ARHGAP32: variants seen among roughly 807,000 people sequenced by gnomAD.
ARHGAP32 encodes the protein rho GTPase-activating protein 32.
A neutral mutation model predicts 186.5 loss-of-function variants in ARHGAP32; 51 were observed. The observed-to-expected ratio is 0.27, with a 90% CI of 0.22 to 0.35. The LOEUF (loss-of-function observed/expected upper bound fraction) is 0.35. Ranked by LOEUF, ARHGAP32 falls within the 10% of genes least tolerant of loss-of-function variation. ARHGAP32 has a pLI of 1.00. For synonymous variants in ARHGAP32, 950 were observed against 964.3 expected (o/e 0.99, Z 0.27); for missense variants, 2,186 against 2,623.5 (o/e 0.83, Z 3.64).
chr11:129,195,889 C>G (rs2135567186), upstream of ARHGAP32, among the ~76,000 whole-genome samples: 1 of 152,272 alleles, frequency 6.6e-6, no homozygotes, highest in Non-Finnish European at 1.5e-5. Context: ...GTGAGAGAGA[C>G]TAGATACTGC....
chr11:129,244,399 A>G (rs1191489057), intron 1 of ARHGAP32, among the ~76,000 whole-genome samples: 1 of 152,226 alleles, frequency 6.6e-6, no homozygotes, highest in Non-Finnish European at 1.5e-5. Flanking sequence ...CATTCAGTCA[A>G]ATAGTATGGA....
At chr11:129,045,790 G>A (rs1939781745) in intron 10 of ARHGAP32, among the ~76,000 whole-genome samples, 2 of 152,106 alleles carry the variant, frequency 1.3e-5, no homozygotes, top group South Asian at 4.1e-4. Context: ...ATATTGGCAG[G>A]GGTCAAAATG....
At chr11:129,264,560 T>A (rs779397446) in intron 1 of ARHGAP32, among the ~76,000 whole-genome samples, 2 of 152,222 alleles carry the variant, frequency 1.3e-5, no homozygotes, top group Non-Finnish European at 2.9e-5. Context: ...ATAGGACAGA[T>A]GTTTATCATT....
chr11:129,128,268 T>C (rs1942707924), intron 2 of ARHGAP32, among the ~76,000 whole-genome samples: 1 of 152,216 alleles, frequency 6.6e-6, no homozygotes, highest in Non-Finnish European at 1.5e-5. Flanking sequence ...CAAATTGCCA[T>C]GTAGTGTTCT....
At chr11:129,076,301 T>C (rs1463369236) in intron 6 of ARHGAP32, among the ~76,000 whole-genome samples, 4 of 152,368 alleles carry the variant, frequency 2.6e-5, no homozygotes, top group African/African-American at 9.6e-5. Context: ...GCTGTTGCTC[T>C]GCCTATGGAG....
At chr11:129,096,527 G>T (rs1404777052) in intron 5 of ARHGAP32, among the ~76,000 whole-genome samples, 1 of 116,710 alleles carries the variant, frequency 8.6e-6, no homozygotes, top group South Asian at 3.1e-4. Flanking sequence ...ATACCCCCCC[G>T]GCCCCGCCCC....
chr11:129,260,374 C>T (rs1057139997), intron 1 of ARHGAP32, among the ~76,000 whole-genome samples: 2 of 151,978 alleles, frequency 1.3e-5, no homozygotes, highest in African/African-American at 4.8e-5. Context: ...CAGGGTTTTT[C>T]TCACCCTGTC....
intron 6 of ARHGAP32, among the ~76,000 whole-genome samples, chr11:129,090,077 G>A (rs546111329): frequency 9.2e-5 from 14 of 152,270 alleles, no homozygotes; most frequent in Non-Finnish European, 1.9e-4. Flanking sequence ...TCTATGAAAT[G>A]GGAATAAATG....
chr11:128,988,250 C>G, intron 12 of ARHGAP32, 125 bp from the exon 13 acceptor site: 1 of 650,900 alleles, frequency 1.5e-6, no homozygotes, highest in East Asian at 2.8e-5. Context: ...TTAAAAGGAG[C>G]AAAAATTAAT....
chr11:129,241,359 G>A (rs999086514), intron 1 of ARHGAP32, among the ~76,000 whole-genome samples: 1 of 152,142 alleles, frequency 6.6e-6, no homozygotes, highest in African/African-American at 2.4e-5. Context: ...AAACAGACAA[G>A]TAGTCCAGGT....
intron 2 of ARHGAP32, among the ~76,000 whole-genome samples, chr11:129,160,134 C>T (rs1388312336): frequency 6.6e-6 from 1 of 152,164 alleles, no homozygotes; most frequent in African/African-American, 2.4e-5. Flanking sequence ...GACAAACCCA[C>T]AGCCAATATC....
At position 128,974,351 on chromosome 11, in the gene ARHGAP32, G is replaced by A; in HGVS notation, c.2846C>T (p.Ser949Leu). ...AACGCATTTGTCCCAGGTTGAAGATGATGCATTCTGAGCTGTGGTATTTGA... is the reference window on the plus strand; with the variant it reads ...AACGCATTTGTCCCAGGTTGAAGATAATGCATTCTGAGCTGTGGTATTTGA... ...TVSNTTAQNA[S>L]SSTWDKCVEE... The change falls in exon 21 of 23, where the codon TCA becomes TTA. Residue 949 changes from serine (S) to leucine (L), a missense_variant. By Grantham distance (145) the Ser-to-Leu change is moderately radical (BLOSUM62 -2). Transcript: ENST00000682385. 1 of 1,614,226 alleles carries A rather than the reference G, an allele frequency of 6.2e-7. No homozygotes were observed. Among genetic ancestry groups the A allele is most frequent in the Non-Finnish European group, 8.5e-7 (1 of 1,180,036 alleles).
chr11:128,988,062 T>C lies in ARHGAP32; in HGVS notation c.1259A>G (p.Tyr420Cys), dbSNP rs1261209592. 1.9e-6 allele frequency: 3 copies of C among 1,613,572 alleles called. No individual in the cohort carries two copies. The highest frequency in any genetic ancestry group is 3.3e-5 in the Admixed American group (2 of 60,002). The change falls in exon 13 of 23, where the codon TAT (tyrosine) becomes TGT (cysteine). Residue 420 changes from tyrosine to cysteine, a missense_variant. By Grantham distance (194) the Tyr-to-Cys change is radical. Coordinates refer to ENST00000682385, the MANE Select transcript of ARHGAP32 (RefSeq NM_001378024.1). ...ATTGGAGGCAACACCAGAAAGGCGA[T>C]AGATTCCATCCACGATGCCATATCT... ...IERYGIVDGI[Y>C]RLSGVASNIQ...
chr11:129,114,274 G>A (rs1942303986), intron 5 of ARHGAP32, among the ~76,000 whole-genome samples: 1 of 152,114 alleles, frequency 6.6e-6, no homozygotes, highest in Admixed American at 6.6e-5. Context: ...TTGGCTGAGG[G>A]TTCTTCACTT....
chr11:129,106,038 C>A (rs1398165524), intron 5 of ARHGAP32, among the ~76,000 whole-genome samples: 1 of 152,000 alleles, frequency 6.6e-6, no homozygotes, highest in African/African-American at 2.4e-5. Flanking sequence ...GGTGAGGCTG[C>A]AGAGAAAAGG....
chr11:129,151,285 G>T (rs982846063), intron 2 of ARHGAP32, among the ~76,000 whole-genome samples: 2 of 152,074 alleles, frequency 1.3e-5, no homozygotes, highest in Admixed American at 6.6e-5. Context: ...TAATAGTGGG[G>T]AAATTCAATA....
chr11:129,193,733 A>T (rs1468471382), upstream of ARHGAP32, among the ~76,000 whole-genome samples: 24 of 85,584 alleles, frequency 2.8e-4, no homozygotes, highest in East Asian at 9.1e-4. Flanking sequence ...ATTATATATA[A>T]TATATATTAT....
At chr11:129,064,060 C>T in intron 8 of ARHGAP32, 36 bp from the exon 9 acceptor site, 1 of 1,549,838 alleles carries the variant, frequency 6.5e-7, no homozygotes, top group East Asian at 2.3e-5. Flanking sequence ...GATAAAGACA[C>T]TGGACTTGCA....
chr11:129,109,502 T>C (rs923884243), intron 5 of ARHGAP32, among the ~76,000 whole-genome samples: 1 of 152,142 alleles, frequency 6.6e-6, no homozygotes, highest in Non-Finnish European at 1.5e-5. Context: ...ATCTCCATAC[T>C]GTTTTAAATA....
Sources: allele counts gnomAD v4.1 joint callset (sites outside exome capture counted in the v4.1 genomes callset), GRCh38; gene constraint gnomAD v4.1.1; transcripts MANE v1.5; gene names NCBI Gene and HGNC (gene_info 2026-07-23, HGNC 2026-07-21).